Variants in GDA observed in about 807,000 individuals in gnomAD.
The protein encoded by GDA is cytoplasmic PSD-95 interactor.
GDA carries 18 observed loss-of-function variants against 59.6 expected under a neutral mutation model. The ratio of observed to expected loss-of-function variants is 0.30; its 90% CI spans 0.21 to 0.45. The LOEUF (loss-of-function observed/expected upper bound fraction) is 0.45, where lower values mean the gene tolerates loss of function less well. GDA is among the 20% of genes least tolerant of loss of function. The pLI is 1.00. For missense variants in GDA, 427 were observed against 552.3 expected, an observed-to-expected ratio of 0.77 and a Z score of 2.27; for synonymous variants, 201 against 201.1, an observed-to-expected ratio of 1.00 and a Z score of 0.00.
intron 1 of GDA, among the ~76,000 whole-genome samples, chr9:72,115,152 T>C (rs1825393450): frequency 6.6e-6 from 1 of 152,164 alleles, no homozygotes; most frequent in African/African-American, 2.4e-5. Context: ...AAACAAGCCA[T>C]AATTAATTTG....
At chr9:72,252,498 C>G (rs1019041848), downstream of GDA, among the ~76,000 whole-genome samples, 1 of 152,112 alleles carries the variant, frequency 6.6e-6, no homozygotes, top group Admixed American at 6.5e-5. Context: ...TAAGACATTA[C>G]CCAGAGTGAG....
chr9:72,193,347 G>T (rs774454149), intron 1 of GDA, among the ~76,000 whole-genome samples: 5 of 152,240 alleles, frequency 3.3e-5, no homozygotes, highest in Non-Finnish European at 5.9e-5. Context: ...GGCACCCCAA[G>T]CCCAGTAATA....
intron 1 of GDA, among the ~76,000 whole-genome samples, chr9:72,142,709 A>ATATTGTATG (rs1255108298): frequency 1.3e-5 from 2 of 152,136 alleles, no homozygotes; most frequent in African/African-American, 4.8e-5. Context: ...GAACCTATAG[A>ATATTGTATG]TATTGATTGT....
intron 10 of GDA, among the ~76,000 whole-genome samples, chr9:72,231,458 G>A (rs1342356955): frequency 4.6e-5 from 7 of 151,768 alleles, no homozygotes; most frequent in Admixed American, 3.3e-4. Flanking sequence ...TCAGCTACTC[G>A]GGAGGCTGAG....
At chr9:72,175,522 A>T (rs1162562913) in intron 1 of GDA, among the ~76,000 whole-genome samples, 1 of 152,190 alleles carries the variant, frequency 6.6e-6, no homozygotes, top group Non-Finnish European at 1.5e-5. Flanking sequence ...GAAATTTTCA[A>T]ATATTTGGAT....
chr9:72,133,151 A>G (rs1826082998), intron 1 of GDA, among the ~76,000 whole-genome samples: 2 of 151,664 alleles, frequency 1.3e-5, no homozygotes, highest in East Asian at 1.9e-4. Flanking sequence ...TTAGCCAGCC[A>G]TGGTAGTGCA....
chr9:72,128,084 T>C (rs7044784), intron 1 of GDA, among the ~76,000 whole-genome samples: 113,933 of 152,052 alleles, frequency 0.75, 42,895 homozygotes, highest in Middle Eastern at 0.8. Context: ...TTGTTAGTTA[T>C]CCACGTCCTC....
At chr9:72,192,429 A>G (rs1171582154) in intron 1 of GDA, among the ~76,000 whole-genome samples, 1 of 149,770 alleles carries the variant, frequency 6.7e-6, no homozygotes, top group Non-Finnish European at 1.5e-5. Flanking sequence ...ACGGGTTTTC[A>G]CCAAGTTGGC....
upstream of GDA, among the ~76,000 whole-genome samples, chr9:72,148,886 G>A (rs1308172486): frequency 4.6e-5 from 7 of 152,132 alleles, no homozygotes; most frequent in Admixed American, 3.3e-4. Context: ...AGAAAAATTG[G>A]TATTGGAATT....
intron 1 of GDA, among the ~76,000 whole-genome samples, chr9:72,133,302 A>ATAAT (rs747825485): frequency 1.1e-4 from 15 of 137,794 alleles, no homozygotes; most frequent in African/African-American, 2.1e-4. Context: ...AAAAAAAAAA[A>ATAAT]AAAAAAAATA....
intron 1 of GDA, among the ~76,000 whole-genome samples, chr9:72,167,680 A>G (rs1829483392): frequency 6.6e-6 from 1 of 152,188 alleles, no homozygotes; most frequent in Non-Finnish European, 1.5e-5. Context: ...TGAACCTGGA[A>G]GATAATTTGT....
chr9:72,246,851 G>T (rs1241450472), intron 12 of GDA, among the ~76,000 whole-genome samples: 1 of 151,966 alleles, frequency 6.6e-6, no homozygotes, highest in Non-Finnish European at 1.5e-5. Flanking sequence ...TAAGAATAGG[G>T]CTCTAGGGAA....
intron 1 of GDA, among the ~76,000 whole-genome samples, chr9:72,157,362 G>A (rs1031789824): frequency 6.6e-6 from 1 of 152,148 alleles, no homozygotes; most frequent in Admixed American, 6.5e-5. Context: ...TGTGAGATAT[G>A]AAATGTCTTT....
At chr9:72,235,054 C>A (rs749527494) in intron 10 of GDA, among the ~76,000 whole-genome samples, 2 of 151,944 alleles carry the variant, frequency 1.3e-5, no homozygotes, top group Non-Finnish European at 2.9e-5. Flanking sequence ...AAATGAAGGG[C>A]CATGGGGGGA....
At chr9:72,134,703 C>A (rs901504330) in intron 1 of GDA, among the ~76,000 whole-genome samples, 1 of 152,166 alleles carries the variant, frequency 6.6e-6, no homozygotes. Context: ...TGCACCTGGC[C>A]GGCACTTGTT....
intron 4 of GDA, 30 bp from the exon 5 acceptor site, chr9:72,213,854 GCC>G (rs751603490): frequency 8.9e-7 from 1 of 1,124,354 alleles, no homozygotes; most frequent in Non-Finnish European, 1.3e-6. Flanking sequence ...AAACAAACAT[GCC>G]TTCATATTCT....
rs1840642668 is a variant in GDA, at chr9:72,251,204, C to G, written c.*2862C>G. 5.6e-6 allele frequency: 1 copy of G among 178,966 alleles called. No homozygotes were observed. The highest frequency in any genetic ancestry group is 1.4e-4 in the South Asian group (1 of 7,248). The allele number at this position is 178,966 out of a possible 1,614,324, so 11.1% of individuals were successfully genotyped here. A position where few individuals can be genotyped will look rare whatever the true frequency, so the allele number is the denominator to read the frequency against. ...AGGGAAAGAAATGGTGGGAAACTCT[C>G]CCCGTAATGCTTAGCCAACTTTAAA... is the stretch of plus-strand genomic sequence containing the variant. On this transcript the variant is annotated 3_prime_UTR_variant, in exon 14 of 14. Transcript: ENST00000358399.
intron 2 of GDA, 142 bp downstream of exon 2, chr9:72,195,730 G>A (rs1299370916): frequency 2.8e-6 from 1 of 351,904 alleles, no homozygotes; most frequent in Non-Finnish European, 5.2e-6. Flanking sequence ...GTTAAGGGAG[G>A]AGATGGGAAG....
intron 1 of GDA, among the ~76,000 whole-genome samples, chr9:72,159,822 T>A (rs1828385196): frequency 6.6e-6 from 1 of 152,228 alleles, no homozygotes; most frequent in African/African-American, 2.4e-5. Flanking sequence ...GTTTTTAAAA[T>A]TTTTGTCTTG....
Sources: gnomAD v4.1 joint callset for allele counts (sites outside exome capture counted in the v4.1 genomes callset) on GRCh38, gnomAD v4.1.1 for gene constraint, MANE v1.5 for transcripts, NCBI Gene and HGNC (gene_info 2026-07-23, HGNC 2026-07-21) for gene names.